Variants in GNB2 observed in about 807,000 individuals in gnomAD.
GNB2 encodes G protein subunit beta 2, also known as guanine nucleotide-binding protein G(I)/G(S)/G(T) subunit beta-2.
Under a neutral mutation model 40.7 loss-of-function variants are expected in GNB2, and 7 were observed. That is an observed-to-expected ratio of 0.17 (90% confidence interval 0.10 to 0.32). The LOEUF is 0.32. Among genes scored for constraint, GNB2 ranks in the 10% least tolerant of loss-of-function variants. The pLI, the probability that GNB2 is intolerant of heterozygous loss-of-function variation, is 1.00. For missense variants in GNB2, 286 were observed against 473.0 expected (o/e 0.60, Z 3.67); for synonymous variants, 254 against 191.2 (o/e 1.33, Z -2.71).
chr7:100,675,876 C>G (rs904319099), intron 1 of GNB2: 1 of 217,478 alleles, frequency 4.6e-6, no homozygotes, highest in South Asian at 1.0e-4. Context: ...GACACCCCCG[C>G]CCCCCCCGCC....
Position 100,677,590 on chromosome 7 carries a change from C to T in GNB2, c.360C>T (p.Ile120=). The change falls in exon 6 of 10, where the codon ATC becomes ATT. Residue 120 remains isoleucine, a synonymous_variant. Transcript: ENST00000303210. ...TGGCCTGTGGGGGGTTGGACAACAT[C>T]TGCTCCATCTACAGCCTCAAGACCC... ...NFVACGGLDN[I]CSIYSLKTRE... is the part of the protein sequence containing the mutation. The T allele has an allele frequency of 6.2e-7, 1 of 1,613,420 alleles. No homozygotes were observed. Among genetic ancestry groups the T allele is most frequent in the Non-Finnish European group, 8.5e-7 (1 of 1,180,004 alleles).
chr7:100,678,027 GGGC>G (rs1342213078), intron 7 of GNB2, 68 bp from the exon 8 acceptor site: 10 of 1,324,060 alleles, frequency 7.6e-6, no homozygotes, highest in Admixed American at 1.7e-5. Context: ...TCACGTGGTG[GGGC>G]GGGGAGAACA....
intron 1 of GNB2, among the ~76,000 whole-genome samples, chr7:100,675,093 C>T (rs1445254219): frequency 6.6e-6 from 1 of 151,422 alleles, no homozygotes; most frequent in Non-Finnish European, 1.5e-5. Context: ...ACAGGTGTCC[C>T]GCGGGCGGGG....
At position 100,676,509 on chromosome 7, in the gene GNB2, C is replaced by T. The variant is rs773994339; in HGVS notation, c.58-26C>T. ...CTCCCCAACCTGTCTTCTCTCGCGT[C>T]TCTCTGGCTCTGCCATCCCTTACAG... On this transcript the variant is annotated intron_variant, in intron 2 of 9. Coordinates refer to ENST00000303210, the MANE Select transcript of GNB2 (RefSeq NM_005273.4). 7.5e-6 allele frequency: 12 copies of T among 1,596,594 alleles called. No homozygotes were observed. The South Asian group carries it at 7.7e-5, about 10-fold the overall frequency.
rs953403367 is a variant in GNB2 at position 100,679,101 on chromosome 7, A to T, written c.*300A>T. ...GAAACCCCAGGGGCTGGCTTTTTTA[A>T]AACTGGTTTTATTTTAATTTTTATT... On this transcript the variant is annotated 3_prime_UTR_variant, in exon 10 of 10. Transcript: ENST00000303210. The T allele has an allele frequency of 1.6e-5, 6 of 368,382 alleles. No individual in the cohort carries two copies. The highest frequency in any genetic ancestry group is 1.3e-4 in the African/African-American group (6 of 47,946). The allele number at this position is 368,382 out of a possible 1,614,324, so 22.8% of individuals were successfully genotyped here.
rs913515898 is a variant in GNB2 at position 100,677,165 on chromosome 7, T to C, written c.204-187T>C. 51 of 609,410 alleles carry C rather than the reference T, an allele frequency of 8.4e-5. No homozygotes were observed. The African/African-American group carries it at 9.2e-4, about 11-fold the overall frequency. The allele number at this position is 609,410 out of a possible 1,614,324, so 37.8% of individuals were successfully genotyped here. ...GGTGCTCACCTTGTAGTCCCAGCTA[T>C]GCGGGGGAGGCTGAGGTGGGAGGAT... On this transcript the variant is annotated intron_variant, in intron 4 of 9. Transcript: ENST00000303210.
chr7:100,675,460 A>G (rs1424777556), intron 1 of GNB2: 1 of 149,072 alleles, frequency 6.7e-6, no homozygotes, highest in African/African-American at 2.5e-5. Context: ...TCCAGAACCT[A>G]TTAGCGCCCA....
At position 100,679,016 on chromosome 7, in the gene GNB2, A is replaced by G. The variant is rs1006771601; in HGVS notation, c.*215A>G. The G allele has an allele frequency of 1.6e-4, 91 of 554,570 alleles. No individual in the cohort carries two copies. The Admixed American group carries it at 2.0e-3, about 12-fold the overall frequency. The allele number at this position is 554,570 out of a possible 1,614,324, so 34.4% of individuals were successfully genotyped here. Reference sequence around the variant, plus strand: ...GGAAGAGGAGGAGCAGGAGGCCCTCATCCTTCTGCTGCCCTGGGGTTGGGG... The same window carrying G: ...GGAAGAGGAGGAGCAGGAGGCCCTCGTCCTTCTGCTGCCCTGGGGTTGGGG... On this transcript the variant is annotated 3_prime_UTR_variant, in exon 10 of 10. Transcript: ENST00000303210.
Position 100,676,730 on chromosome 7 carries a change from TGAGGACCCG to T in GNB2, c.143_151del (p.Arg48_Thr50del). On this transcript the variant is annotated inframe_deletion, in exon 4 of 10. Transcript: ENST00000303210. ...CTGGACCCAGTGGGGAGAATCCAGA[TGAGGACCCG>T]GAGGACCCTCCGTGGGCACCTGGCA... The T allele has an allele frequency of 6.2e-7, 1 of 1,611,228 alleles. No individual in the cohort carries two copies. Among genetic ancestry groups the T allele is most frequent in the Non-Finnish European group, 8.5e-7 (1 of 1,178,706 alleles).
chr7:100,674,657 C>A (rs1321861186), intron 1 of GNB2, among the ~76,000 whole-genome samples: 1 of 152,240 alleles, frequency 6.6e-6, no homozygotes, highest in Admixed American at 6.5e-5. Context: ...CCCCGCCAGA[C>A]CTGCGGAGGC....
At chr7:100,676,888 C>T (rs1804361940) in intron 4 of GNB2, 89 bp downstream of exon 4, 1 of 727,506 alleles carries the variant, frequency 1.4e-6, no homozygotes, top group South Asian at 1.7e-5. Context: ...AAGCAGGCCA[C>T]CAAAATACCC....
In GNB2 at chr7:100,678,789, G is replaced by A. The variant is rs1047397629; in HGVS notation, c.1011G>A (p.Lys337=). The part of the protein sequence containing the change: ...VATGSWDSFL[K]IWN ...CGGGCTCCTGGGACTCCTTCCTCAAGATCTGGAACTAATGGCCCCACCCCC... is the reference window on the plus strand; with the variant it reads ...CGGGCTCCTGGGACTCCTTCCTCAAAATCTGGAACTAATGGCCCCACCCCC... Residue 337 remains lysine, a synonymous_variant, in exon 10 of 10, where the codon AAG becomes AAA. Coordinates refer to ENST00000303210, the MANE Select transcript of GNB2 (RefSeq NM_005273.4). The A allele has an allele frequency of 1.3e-5, 21 of 1,611,614 alleles. No homozygotes were observed. Among genetic ancestry groups the A allele is most frequent in the Non-Finnish European group, 1.8e-5 (21 of 1,178,310 alleles).
chr7:100,678,006 C>T lies in GNB2; in HGVS notation c.498-92C>T, dbSNP rs1804393483. On this transcript the variant is annotated intron_variant, in intron 7 of 9. Coordinates refer to ENST00000303210, the MANE Select transcript of GNB2 (RefSeq NM_005273.4). ...AGAAGAGCCTCCCTGGACCCTTCCA[C>T]AGGGTTGGGCTCACGTGGTGGGGCG... The T allele has an allele frequency of 5.1e-6, 6 of 1,178,354 alleles. No homozygotes were observed. The South Asian group carries it at 6.3e-5, about 12-fold the overall frequency. 73.0% of individuals were successfully genotyped at this position (1,178,354 alleles called of 1,614,324 possible).
chr7:100,675,293 G>C (rs544461148), intron 1 of GNB2: 2 of 152,162 alleles, frequency 1.3e-5, no homozygotes, highest in South Asian at 4.1e-4. Context: ...TTACTCGAGA[G>C]CGGCTCCCAC....
rs773252399 is a variant in GNB2, at chr7:100,678,835, G to A, written c.*34G>A. ...CCCCCACTGGGCCCAGGCCAGGAGG[G>A]GCCCTGCCCATGCCCACACTACAGG... On this transcript the variant is annotated 3_prime_UTR_variant, in exon 10 of 10. Transcript: ENST00000303210. 23 of 1,517,620 alleles carry A rather than the reference G, an allele frequency of 1.5e-5. 1 individual carries two copies. Among genetic ancestry groups the A allele is most frequent in the South Asian group, 1.5e-4 (13 of 89,124 alleles). 94.0% of individuals were successfully genotyped at this position (1,517,620 alleles called of 1,614,324 possible).
rs772397233 is a variant in GNB2 at position 100,677,623 on chromosome 7, C to G, written c.393C>G (p.Gly131=). ...CSIYSLKTRE[G]NVRVSRELPG... ...TCTACAGCCTCAAGACCCGCGAGGG[C>G]AACGTCAGGGTCAGCCGGGAGCTGC... The change falls in exon 6 of 10, where the codon GGC becomes GGG. Residue 131 remains glycine, a synonymous_variant. Transcript: ENST00000303210. 2 of 1,613,474 alleles carry G rather than the reference C, an allele frequency of 1.2e-6. No homozygotes were observed. The highest frequency in any genetic ancestry group is 1.7e-6 in the Non-Finnish European group (2 of 1,180,014).
intron 7 of GNB2, 102 bp from the exon 8 acceptor site, chr7:100,677,996 G>A: frequency 9.0e-7 from 1 of 1,113,830 alleles, no homozygotes; most frequent in Non-Finnish European, 1.3e-6. Context: ...AGCCTCCCTG[G>A]ACCCTTCCAC....
At chr7:100,676,654 GCCTGGGCCT>G in intron 3 of GNB2, 30 bp from the exon 4 acceptor site, 2 of 1,558,238 alleles carry the variant, frequency 1.3e-6, no homozygotes, top group Non-Finnish European at 1.8e-6. Context: ...CAGTCCTGCT[GCCTGGGCCT>G]CCCCGAGCGC....
chr7:100,678,943 G>A lies in GNB2; in HGVS notation c.*142G>A. ...GTCCCTGCCCTCCCACCCAGGTTTG[G>A]TTCCTCCCGGGGCCCCCACTGTGGA... On this transcript the variant is annotated 3_prime_UTR_variant, in exon 10 of 10. Coordinates refer to ENST00000303210, the MANE Select transcript of GNB2 (RefSeq NM_005273.4). 2 of 653,350 alleles carry A rather than the reference G, an allele frequency of 3.1e-6. No homozygotes were observed. The highest frequency in any genetic ancestry group is 3.8e-5 in the South Asian group (2 of 52,272). The allele number at this position is 653,350 out of a possible 1,614,324, so 40.5% of individuals were successfully genotyped here.
Sources: gnomAD v4.1 joint callset for allele counts (sites outside exome capture counted in the v4.1 genomes callset) on GRCh38, gnomAD v4.1.1 for gene constraint, MANE v1.5 for transcripts, NCBI Gene and HGNC (gene_info 2026-07-23, HGNC 2026-07-21) for gene names.